The following GRID1 variants were observed in gnomAD, a reference collection of about 807,000 sequenced individuals.
The protein encoded by GRID1 is glutamate receptor ionotropic, delta-1.
GRID1 carries 28 observed loss-of-function variants against 98.0 expected under a neutral mutation model. That is an observed-to-expected ratio of 0.29 (90% CI 0.21 to 0.39). The LOEUF (loss-of-function observed/expected upper bound fraction) is 0.39. GRID1 is among the 10% of genes least tolerant of loss of function. GRID1 has a pLI of 1.00. For missense variants in GRID1, 1,111 were observed against 1,340.5 expected (o/e 0.83, Z 2.67); for synonymous variants, 553 against 538.5 (o/e 1.03, Z -0.37).
At chr10:86,228,217 G>A (rs1846388254) in intron 2 of GRID1, among the ~76,000 whole-genome samples, 1 of 149,360 alleles carries the variant, frequency 6.7e-6, no homozygotes, top group African/African-American at 2.5e-5. Context: ...GGGTGAGTAG[G>A]TGGCCGGATG....
Position 85,727,883 on chromosome 10 carries a change from T to C in GRID1, c.1505A>G (p.Asn502Ser), listed in dbSNP as rs1470376547. The change falls in exon 10 of 16, where the codon AAC becomes AGC. Residue 502 changes from asparagine to serine, a missense_variant. Transcript: ENST00000327946. ...GCTGATGAGCTCCCCGATCATCCCG[T>C]TCCAGGAGGTGTTATGGAGCTGGTG... ...YGHQLHNTSW[N>S]GMIGELISKR... 1 of 1,613,742 alleles carries C rather than the reference T, an allele frequency of 6.2e-7. No individual in the cohort carries two copies. Among genetic ancestry groups the C allele is most frequent in the African/African-American group, 1.3e-5 (1 of 74,912 alleles).
chr10:86,115,540 G>A (rs1408514003), intron 4 of GRID1, among the ~76,000 whole-genome samples: 2 of 152,270 alleles, frequency 1.3e-5, no homozygotes, highest in African/African-American at 4.8e-5. Context: ...CACCTACAAG[G>A]TAGGTAATCT....
intron 12 of GRID1, among the ~76,000 whole-genome samples, chr10:85,684,047 T>C (rs1164315121): frequency 6.6e-6 from 1 of 152,226 alleles, no homozygotes; most frequent in Non-Finnish European, 1.5e-5. Flanking sequence ...TCCCTTTACG[T>C]GGAAACTTCA....
intron 2 of GRID1, among the ~76,000 whole-genome samples, chr10:86,300,514 G>T (rs1589442089): frequency 3.6e-5 from 1 of 28,066 alleles, no homozygotes; most frequent in Non-Finnish European, 1.2e-4. Flanking sequence ...GGGAGGGGAA[G>T]GGAGGGGAAG....
At chr10:86,190,472 C>G (rs1845786154) in intron 3 of GRID1, among the ~76,000 whole-genome samples, 1 of 152,202 alleles carries the variant, frequency 6.6e-6, no homozygotes, top group Non-Finnish European at 1.5e-5. Flanking sequence ...GGGCAGTGCC[C>G]CATGGCTACA....
chr10:85,816,896 C>T (rs1842721292), intron 8 of GRID1, among the ~76,000 whole-genome samples: 1 of 152,110 alleles, frequency 6.6e-6, no homozygotes. Flanking sequence ...TCTGTTGTTC[C>T]CCTCCTAGCA....
intron 2 of GRID1, among the ~76,000 whole-genome samples, chr10:86,223,116 C>G (rs1846283488): frequency 6.6e-6 from 1 of 152,196 alleles, no homozygotes; most frequent in Admixed American, 6.5e-5. Context: ...TGAGAATCCC[C>G]CCAAAATACC....
At chr10:85,701,223 A>G (rs563478219) in intron 12 of GRID1, among the ~76,000 whole-genome samples, 3 of 152,152 alleles carry the variant, frequency 2.0e-5, no homozygotes, top group African/African-American at 7.2e-5. Flanking sequence ...ATTTCTTCTT[A>G]TATTTACAGA....
chr10:86,091,196 C>T (rs924594735), intron 4 of GRID1, among the ~76,000 whole-genome samples: 1 of 152,190 alleles, frequency 6.6e-6, no homozygotes, highest in African/African-American at 2.4e-5. Context: ...GGGCAAGAAC[C>T]AAGCCCTTTT....
chr10:85,895,016 A>AAAAATATATATATATAT (rs766551035), intron 5 of GRID1, among the ~76,000 whole-genome samples: 2 of 97,108 alleles, frequency 2.1e-5, no homozygotes, highest in Non-Finnish European at 4.1e-5. Context: ...AAAAAAAAAA[A>AAAAATATATATATATAT]ATATATATAT....
chr10:86,197,366 A>C (rs1845890658), intron 3 of GRID1, among the ~76,000 whole-genome samples: 1 of 152,108 alleles, frequency 6.6e-6, no homozygotes, highest in Non-Finnish European at 1.5e-5. Flanking sequence ...GGCAGCAGAC[A>C]GGGAGCAGGA....
chr10:85,623,515 G>C (rs1227110375), intron 13 of GRID1, among the ~76,000 whole-genome samples: 3 of 152,170 alleles, frequency 2.0e-5, no homozygotes, highest in Middle Eastern at 3.2e-3. Context: ...CTTATCCACA[G>C]GTCTGGCTTC....
chr10:85,974,726 A>T (rs1467783608), intron 4 of GRID1, among the ~76,000 whole-genome samples: 3 of 152,234 alleles, frequency 2.0e-5, no homozygotes, highest in Non-Finnish European at 4.4e-5. Flanking sequence ...GATGATGGAC[A>T]TGTTGAACGC....
At chr10:85,921,959 G>A (rs889163993) in intron 4 of GRID1, among the ~76,000 whole-genome samples, 2 of 152,172 alleles carry the variant, frequency 1.3e-5, no homozygotes, top group African/African-American at 2.4e-5. Context: ...AACAAGCCAT[G>A]CAGTGTTCTT....
At chr10:86,311,412 C>T (rs534475745) in intron 2 of GRID1, among the ~76,000 whole-genome samples, 2 of 152,330 alleles carry the variant, frequency 1.3e-5, no homozygotes, top group African/African-American at 4.8e-5. Flanking sequence ...CATATACTTG[C>T]TCCCATAATG....
At chr10:85,734,527 C>A (rs1038343610) in intron 8 of GRID1, among the ~76,000 whole-genome samples, 3 of 152,060 alleles carry the variant, frequency 2.0e-5, no homozygotes, top group Admixed American at 6.6e-5. Context: ...GTCTCCCTGG[C>A]CTTTAGGCAT....
chr10:86,161,529 G>A (rs1474286736), intron 3 of GRID1, among the ~76,000 whole-genome samples: 2 of 152,178 alleles, frequency 1.3e-5, no homozygotes, highest in African/African-American at 4.8e-5. Context: ...GAACAGTGAG[G>A]CTCAGTGAGT....
At chr10:86,046,017 C>G (rs1056534087) in intron 4 of GRID1, among the ~76,000 whole-genome samples, 1 of 152,134 alleles carries the variant, frequency 6.6e-6, no homozygotes, top group African/African-American at 2.4e-5. Flanking sequence ...GGAGTCAGGG[C>G]TCAGACACCG....
intron 2 of GRID1, among the ~76,000 whole-genome samples, chr10:86,285,242 C>G (rs1409984573): frequency 6.6e-6 from 1 of 152,168 alleles, no homozygotes; most frequent in Non-Finnish European, 1.5e-5. Context: ...CATCAGTTGA[C>G]AGCGATGGCT....
Sources: allele counts gnomAD v4.1 joint callset (sites outside exome capture counted in the v4.1 genomes callset), GRCh38; gene constraint gnomAD v4.1.1; transcripts MANE v1.5; gene names NCBI Gene and HGNC (gene_info 2026-07-23, HGNC 2026-07-21).